Variants in NUP210L observed in about 807,000 individuals in gnomAD.
NUP210L encodes the protein nuclear pore membrane glycoprotein 210-like.
Under a neutral mutation model 208.5 loss-of-function variants are expected in NUP210L, and 74 were observed. The ratio of observed to expected loss-of-function variants is 0.35; its 90% confidence interval spans 0.29 to 0.43. The LOEUF (loss-of-function observed/expected upper bound fraction) is 0.43. Among genes scored for constraint, NUP210L ranks in the 20% least tolerant of loss-of-function variants. NUP210L has a pLI of 1.00. For missense variants in NUP210L, 1,843 were observed against 2,289.4 expected (o/e 0.81, Z 3.98); for synonymous variants, 780 against 816.9 (o/e 0.95, Z 0.77).
At chr1:154,115,734 T>C (rs1473720224) in intron 12 of NUP210L, among the ~76,000 whole-genome samples, 1 of 152,152 alleles carries the variant, frequency 6.6e-6, no homozygotes, top group Admixed American at 6.6e-5. Flanking sequence ...GTTATGTATC[T>C]CTGAATGTCC....
At chr1:154,024,931 T>TTG (rs1557922261) in intron 30 of NUP210L, among the ~76,000 whole-genome samples, 1 of 140,096 alleles carries the variant, frequency 7.1e-6, no homozygotes. Context: ...TGTTTTTTTT[T>TTG]TTTTTTTTTT....
intron 27 of NUP210L, among the ~76,000 whole-genome samples, chr1:154,033,193 G>A (rs1384159186): frequency 6.6e-6 from 1 of 152,032 alleles, no homozygotes; most frequent in Non-Finnish European, 1.5e-5. Context: ...CCCATTCTGT[G>A]GGTTGTCTCT....
intron 14 of NUP210L, among the ~76,000 whole-genome samples, chr1:154,097,124 A>G (rs1256667592): frequency 2.6e-5 from 4 of 152,192 alleles, no homozygotes; most frequent in Admixed American, 2.6e-4. Context: ...AAATAAACAC[A>G]GAGGTCTCAT....
At chr1:154,011,732 AGGCTGGAGTCCAGT>A (rs910082590) in intron 34 of NUP210L, among the ~76,000 whole-genome samples, 3 of 118,782 alleles carry the variant, frequency 2.5e-5, no homozygotes, top group Non-Finnish European at 4.7e-5. Flanking sequence ...TCTGCCGCCT[AGGCTGGAGTCCAGT>A]GGTGCGATCT....
In NUP210L at chr1:154,098,638, C is replaced by T. The variant is rs147284813; in HGVS notation, c.1965+1360G>A. On this transcript the variant is annotated intron_variant, in intron 14 of 39. Coordinates refer to ENST00000368559, the Ensembl canonical transcript of NUP210L. ...TTGCCCAATGTCTTCTGCCCAGCTC[C>T]GGCTGAGCCTGGAGCTTTTATGGGC... Among the ~76,000 whole-genome samples the T allele has an allele frequency of 2.1e-3, 327 of 152,256 alleles. 1 individual carries two copies. The highest frequency in any genetic ancestry group is 0.01 in the East Asian group (52 of 5,156).
chr1:154,027,300 A>T (rs757084716), intron 29 of NUP210L, among the ~76,000 whole-genome samples: 2 of 152,120 alleles, frequency 1.3e-5, no homozygotes, highest in Non-Finnish European at 2.9e-5. Flanking sequence ...CTAGATAGAG[A>T]TGCTGAATAC....
chr1:154,039,299 T>A (rs1652729731), intron 27 of NUP210L, among the ~76,000 whole-genome samples: 1 of 151,712 alleles, frequency 6.6e-6, no homozygotes, highest in African/African-American at 2.4e-5. Context: ...AATAGTGTGA[T>A]CTCAGCTCAC....
At chr1:154,121,183 G>T (rs1657599463) in intron 10 of NUP210L, among the ~76,000 whole-genome samples, 1 of 152,082 alleles carries the variant, frequency 6.6e-6, no homozygotes, top group South Asian at 2.1e-4. Flanking sequence ...TGTTTTAGGG[G>T]AGCAACCAGT....
chr1:154,081,482 G>A (rs1323495149), intron 16 of NUP210L, among the ~76,000 whole-genome samples: 1 of 152,124 alleles, frequency 6.6e-6, no homozygotes, highest in Non-Finnish European at 1.5e-5. Flanking sequence ...TAACATTTGA[G>A]TTTATGCTAA....
chr1:154,146,540 A>C (rs2148153277), intron 2 of NUP210L, among the ~76,000 whole-genome samples: 1 of 151,666 alleles, frequency 6.6e-6, no homozygotes, highest in East Asian at 2.0e-4. Flanking sequence ...GCTGAGGTGG[A>C]AGAATCGCTT....
At chr1:154,076,168 A>T (rs1395708339) in intron 16 of NUP210L, among the ~76,000 whole-genome samples, 2 of 141,488 alleles carry the variant, frequency 1.4e-5, no homozygotes, top group African/African-American at 5.3e-5. Context: ...CAGTGGCATG[A>T]TCTCAGCTCA....
intron 7 of NUP210L, 63 bp downstream of exon 7, chr1:154,135,751 A>G: frequency 1.4e-6 from 2 of 1,418,534 alleles, no homozygotes; most frequent in Non-Finnish European, 2.0e-6. Flanking sequence ...ATTTTACCAA[A>G]GAACATGTCT....
chr1:153,995,555 C>G, intron 37 of NUP210L: 1 of 685,762 alleles, frequency 1.5e-6, no homozygotes, highest in Non-Finnish European at 2.7e-6. Context: ...TCAAAGGATG[C>G]TTTAAATCCT....
intron 3 of NUP210L, among the ~76,000 whole-genome samples, chr1:154,141,856 A>T (rs1198642653): frequency 6.6e-6 from 1 of 152,142 alleles, no homozygotes; most frequent in Non-Finnish European, 1.5e-5. Flanking sequence ...TCCCCTCCAC[A>T]CAAATTTTTG....
At chr1:154,099,174 C>A (rs1656329512) in intron 14 of NUP210L, among the ~76,000 whole-genome samples, 1 of 152,092 alleles carries the variant, frequency 6.6e-6, no homozygotes, top group South Asian at 2.1e-4. Context: ...GGGTCCACAG[C>A]TGCCATTTGA....
intron 16 of NUP210L, among the ~76,000 whole-genome samples, chr1:154,081,695 G>A (rs1025857346): frequency 6.6e-6 from 1 of 152,044 alleles, no homozygotes; most frequent in African/African-American, 2.4e-5. Flanking sequence ...CCAATAAAAC[G>A]CTGGAGCTGG....
chr1:154,147,094 G>T (rs1213359812), intron 2 of NUP210L, among the ~76,000 whole-genome samples: 1 of 152,098 alleles, frequency 6.6e-6, no homozygotes, highest in South Asian at 2.1e-4. Flanking sequence ...CCCTTTTAAT[G>T]AATAGCATAT....
intron 1 of NUP210L, among the ~76,000 whole-genome samples, chr1:154,154,132 G>A (rs574410430): frequency 3.3e-5 from 5 of 152,182 alleles, no homozygotes; most frequent in Non-Finnish European, 7.4e-5. Context: ...CACTTCAAGC[G>A]GGTACCCTTT....
At chr1:154,049,562 A>G (rs1653374909) in intron 25 of NUP210L, among the ~76,000 whole-genome samples, 1 of 152,214 alleles carries the variant, frequency 6.6e-6, no homozygotes, top group Admixed American at 6.5e-5. Context: ...AAGTAAAGAG[A>G]AACTGGAGGC....
Sources: allele counts gnomAD v4.1 joint callset (sites outside exome capture counted in the v4.1 genomes callset), GRCh38; gene constraint gnomAD v4.1.1; transcripts MANE v1.5; gene names NCBI Gene and HGNC (gene_info 2026-07-23, HGNC 2026-07-21).